GSTCD: variants seen among roughly 807,000 people sequenced by gnomAD.
GSTCD encodes the protein glutathione S-transferase C-terminal domain containing.
Under a neutral mutation model 68.3 loss-of-function variants are expected in GSTCD, and 44 were observed. The ratio of observed to expected loss-of-function variants is 0.64; its 90% confidence interval spans 0.51 to 0.83. GSTCD has a LOEUF of 0.83. Among genes scored for constraint, GSTCD ranks in the 40% least tolerant of loss-of-function variants. The pLI, the probability that GSTCD is intolerant of heterozygous loss-of-function variation, is 0.00. For synonymous variants in GSTCD, 273 were observed against 255.2 expected, an observed-to-expected ratio of 1.07 and a Z score of -0.67; for missense variants, 739 against 735.9, an observed-to-expected ratio of 1.00 and a Z score of -0.05.
At chr4:105,835,929 G>C (rs916580631) in intron 9 of GSTCD, among the ~76,000 whole-genome samples, 1 of 152,162 alleles carries the variant, frequency 6.6e-6, no homozygotes, top group Non-Finnish European at 1.5e-5. Context: ...ACCCACAGAG[G>C]GTAGCTTCTC....
At chr4:105,719,579 T>C (rs1732798880) in intron 3 of GSTCD, 52 bp downstream of exon 3, 1 of 1,309,988 alleles carries the variant, frequency 7.6e-7, no homozygotes, top group African/African-American at 1.5e-5. Flanking sequence ...GTCTATGAAA[T>C]TGCCTAGGTT....
chr4:105,819,398 A>C (rs766930851), intron 5 of GSTCD, among the ~76,000 whole-genome samples: 24 of 151,832 alleles, frequency 1.6e-4, no homozygotes, highest in Non-Finnish European at 3.5e-4. Context: ...ACTTTTGCAC[A>C]TAATTAACAC....
At chr4:105,756,843 ATTGTGTAATTTACAG>A (rs1022646274) in intron 5 of GSTCD, among the ~76,000 whole-genome samples, 5 of 152,068 alleles carry the variant, frequency 3.3e-5, no homozygotes, top group Admixed American at 2.6e-4. Context: ...AGTTACATGC[ATTGTGTAATTTACAG>A]TTAAGACACA....
At position 105,839,809 on chromosome 4, in the gene GSTCD, T is replaced by C. The variant is rs76634358; in HGVS notation, c.1695+1920T>C. 4.3e-3 allele frequency among the ~76,000 whole-genome samples: 648 copies of C among 152,168 alleles called. 3 individuals carry two copies. Among genetic ancestry groups the C allele is most frequent in the African/African-American group, 0.015 (614 of 41,508 alleles). On this transcript the variant is annotated intron_variant, in intron 10 of 11. Transcript: ENST00000515279. ...ACAATGAAAGGATGTATGGAAAAAA[T>C]CAAGGGTGGTGAAGAGATAGGCTGC... is the stretch of plus-strand genomic sequence containing the variant.
intron 4 of GSTCD, among the ~76,000 whole-genome samples, chr4:105,728,713 ATAGAC>A (rs1733128001): frequency 7.3e-6 from 1 of 137,410 alleles, no homozygotes; most frequent in Non-Finnish European, 1.6e-5. Context: ...AGATATAGAT[ATAGAC>A]TGTGTACCTG....
chr4:105,717,540 A>G (rs72671840), intron 1 of GSTCD, 53 bp from the exon 2 acceptor site: 60,961 of 1,080,700 alleles, frequency 0.056, 1,984 homozygotes, highest in Middle Eastern at 0.096. Context: ...CTTTTATTTT[A>G]GCTTCTAAAT....
chr4:105,751,115 G>A (rs180811403), intron 5 of GSTCD, among the ~76,000 whole-genome samples: 106 of 152,142 alleles, frequency 7.0e-4, no homozygotes, highest in African/African-American at 2.4e-3. Context: ...ACTCAGGTGT[G>A]TAGTTAACAG....
In GSTCD at chr4:105,785,557, A is replaced by G. The variant is rs1161403229; in HGVS notation, c.1241-37397A>G. Among the ~76,000 whole-genome samples, 5 of 152,236 alleles carry G rather than the reference A, an allele frequency of 3.3e-5. 1 individual carries two copies. Among genetic ancestry groups the G allele is most frequent in the East Asian group, 1.9e-4 (1 of 5,202 alleles). On this transcript the variant is annotated intron_variant, in intron 5 of 11. Coordinates refer to ENST00000515279, the MANE Select transcript of GSTCD (RefSeq NM_001370181.1). ...TTGACACTCAATTTCCCTAATGCCT[A>G]CATAAAAAAGGCATTTGATAAAATG...
chr4:105,717,856 CCCACCAA>C lies in GSTCD; in HGVS notation c.244_250del (p.Pro82Ter). On this transcript the variant is annotated frameshift_variant, in exon 2 of 12. Transcript: ENST00000515279. LOFTEE classifies it high-confidence loss of function. ...TACAGATTATTTCAAGGCAGGAGCTCCCACCAATAGTCCAAAATTGCTGTTTGCCTGC... is the reference window on the plus strand; with the variant it reads ...TACAGATTATTTCAAGGCAGGAGCTCTAGTCCAAAATTGCTGTTTGCCTGC... 6.2e-7 allele frequency: 1 copy of C among 1,614,042 alleles called. No homozygotes were observed. Among genetic ancestry groups the C allele is most frequent in the Non-Finnish European group, 8.5e-7 (1 of 1,179,978 alleles).
At chr4:105,838,258 G>A (rs1237946483) in intron 10 of GSTCD, among the ~76,000 whole-genome samples, 1 of 152,172 alleles carries the variant, frequency 6.6e-6, no homozygotes, top group Non-Finnish European at 1.5e-5. Context: ...TTCCCACAGG[G>A]CAGAAGCAAA....
intron 5 of GSTCD, among the ~76,000 whole-genome samples, chr4:105,801,111 T>C (rs1286853743): frequency 6.6e-6 from 1 of 152,062 alleles, no homozygotes; most frequent in Non-Finnish European, 1.5e-5. Flanking sequence ...AAATGGACCA[T>C]GAGAAGGATA....
At position 105,742,363 on chromosome 4, in the gene GSTCD, T is replaced by C. The variant is rs564074340; in HGVS notation, c.1240+12864T>C. ...ATATTCTTCTTCCCACTCCCCTTGC[T>C]AGTTGAAATTATACTTGTCTTTTAA... is the stretch of plus-strand genomic sequence containing the variant. On this transcript the variant is annotated intron_variant, in intron 5 of 11. Coordinates refer to ENST00000515279, the MANE Select transcript of GSTCD (RefSeq NM_001370181.1). 9.8e-5 allele frequency among the ~76,000 whole-genome samples: 15 copies of C among 152,348 alleles called. No homozygotes were observed. The South Asian group carries it at 3.1e-3, about 32-fold the overall frequency.
At chr4:105,723,390 A>G (rs941802857) in intron 3 of GSTCD, among the ~76,000 whole-genome samples, 5 of 151,674 alleles carry the variant, frequency 3.3e-5, no homozygotes, top group Non-Finnish European at 7.4e-5. Flanking sequence ...AAATATTTGG[A>G]AAAAAAATTG....
chr4:105,755,056 C>CAA (rs70941214), intron 5 of GSTCD, among the ~76,000 whole-genome samples: 2 of 50,984 alleles, frequency 3.9e-5, no homozygotes, highest in Admixed American at 2.8e-4. Flanking sequence ...CTCATTTCTC[C>CAA]AAAAAAAAAA....
At chr4:105,726,129 A>T (rs1043697460) in intron 3 of GSTCD, among the ~76,000 whole-genome samples, 1 of 152,218 alleles carries the variant, frequency 6.6e-6, no homozygotes, top group Non-Finnish European at 1.5e-5. Context: ...AAACATGCAA[A>T]TATCTATCAA....
intron 5 of GSTCD, among the ~76,000 whole-genome samples, chr4:105,751,759 A>G (rs1396209633): frequency 1.3e-5 from 2 of 152,146 alleles, no homozygotes; most frequent in Non-Finnish European, 2.9e-5. Context: ...AAATTCTTTC[A>G]TACTGAAAGC....
intron 7 of GSTCD, among the ~76,000 whole-genome samples, chr4:105,825,170 C>G (rs868209453): frequency 6.6e-6 from 1 of 151,992 alleles, no homozygotes; most frequent in Admixed American, 6.6e-5. Flanking sequence ...CCCTGCGATG[C>G]CCAGGCTGGA....
chr4:105,832,880 T>C (rs1316055222), intron 8 of GSTCD, among the ~76,000 whole-genome samples: 1 of 152,244 alleles, frequency 6.6e-6, no homozygotes, highest in Non-Finnish European at 1.5e-5. Flanking sequence ...TCTGAAAAGC[T>C]GACTAAAAGA....
chr4:105,787,774 T>C (rs1735519512), intron 5 of GSTCD, among the ~76,000 whole-genome samples: 2 of 152,094 alleles, frequency 1.3e-5, no homozygotes, highest in Admixed American at 6.5e-5. Context: ...AAAGCTTTTT[T>C]CCCCCCTTGG....
Sources: allele counts gnomAD v4.1 joint callset (sites outside exome capture counted in the v4.1 genomes callset), GRCh38; gene constraint gnomAD v4.1.1; transcripts MANE v1.5; gene names NCBI Gene and HGNC (gene_info 2026-07-23, HGNC 2026-07-21).